The following ARL6IP6 variants were observed in gnomAD, a reference collection of about 807,000 sequenced individuals.
The protein encoded by ARL6IP6 is ADP-ribosylation factor-like protein 6-interacting protein 6.
ARL6IP6 carries 22 observed loss-of-function variants against 21.5 expected under a neutral mutation model. That is an observed-to-expected ratio of 1.02 (90% CI 0.73 to 1.46). The LOEUF is 1.46. Ranked by LOEUF, ARL6IP6 falls within the 40% of genes most tolerant of loss-of-function variation. The pLI is 0.00. For synonymous variants in ARL6IP6, 164 were observed against 125.3 expected, an observed-to-expected ratio of 1.31 and a Z score of -2.06; for missense variants, 388 against 299.8, an observed-to-expected ratio of 1.29 and a Z score of -2.17.
chr2:152,750,647 A>G (rs945451217), intron 3 of ARL6IP6, among the ~76,000 whole-genome samples: 4 of 524 alleles, frequency 7.6e-3, no homozygotes, highest in Non-Finnish European at 0.043. Context: ...CCTTTACACA[A>G]TGTACCTCTT....
At chr2:152,735,353 G>A (rs180692438) in intron 3 of ARL6IP6, among the ~76,000 whole-genome samples, 1 of 140,012 alleles carries the variant, frequency 7.1e-6, no homozygotes, top group East Asian at 1.9e-4. Flanking sequence ...CTGAAATTCA[G>A]GGGCTTATTT....
At chr2:152,733,791 G>A (rs980689786) in intron 2 of ARL6IP6, among the ~76,000 whole-genome samples, 1 of 152,026 alleles carries the variant, frequency 6.6e-6, no homozygotes, top group Non-Finnish European at 1.5e-5. Flanking sequence ...ACAATATATA[G>A]TTATCTTGTT....
chr2:152,730,852 T>A (rs905057561), intron 2 of ARL6IP6, among the ~76,000 whole-genome samples: 1 of 152,164 alleles, frequency 6.6e-6, no homozygotes, highest in Non-Finnish European at 1.5e-5. Context: ...ACAGCTATAC[T>A]CCCTGTGTGG....
chr2:152,719,937 A>C, intron 1 of ARL6IP6: 1 of 379,388 alleles, frequency 2.6e-6, no homozygotes, highest in Non-Finnish European at 5.4e-6. Flanking sequence ...CTAAAACCTT[A>C]CAATGCTTGA....
intron 3 of ARL6IP6, 119 bp downstream of exon 3, chr2:152,735,245 A>C: frequency 9.3e-7 from 1 of 1,071,028 alleles, no homozygotes; most frequent in Non-Finnish European, 1.3e-6. Flanking sequence ...TTTATAAAGC[A>C]CTAATAACAG....
chr2:152,719,750 GAAAAAAAAA>G (rs11328553), intron 1 of ARL6IP6: 2 of 255,170 alleles, frequency 7.8e-6, no homozygotes, highest in Non-Finnish European at 1.5e-5. Flanking sequence ...CCAAGTTACT[GAAAAAAAAA>G]AAAAAAAAAA....
chr2:152,717,933 G>A, upstream of ARL6IP6: 1 of 1,005,926 alleles, frequency 9.9e-7, no homozygotes, highest in East Asian at 1.1e-4. Context: ...AGGCGGAGGG[G>A]AGGAGGCGGG....
At chr2:152,756,672 A>G (rs1183068432) in intron 3 of ARL6IP6, among the ~76,000 whole-genome samples, 2 of 152,214 alleles carry the variant, frequency 1.3e-5, no homozygotes, top group African/African-American at 4.8e-5. Flanking sequence ...GGCTTTCTGA[A>G]TGGTCAGTAA....
chr2:152,730,986 T>C (rs1296441091), intron 2 of ARL6IP6, among the ~76,000 whole-genome samples: 2 of 152,172 alleles, frequency 1.3e-5, no homozygotes, highest in Admixed American at 1.3e-4. Flanking sequence ...AGGAAATCTT[T>C]CTCACTTGTC....
At chr2:152,731,287 C>T (rs147131588) in intron 2 of ARL6IP6, among the ~76,000 whole-genome samples, 51 of 152,322 alleles carry the variant, frequency 3.3e-4, no homozygotes. Flanking sequence ...TAATTTACCA[C>T]ACTTTCTATT....
At chr2:152,721,499 C>T (rs1250402163) in intron 2 of ARL6IP6, among the ~76,000 whole-genome samples, 1 of 152,182 alleles carries the variant, frequency 6.6e-6, no homozygotes, top group Non-Finnish European at 1.5e-5. Context: ...CAAAATGATT[C>T]TGAAGAGTTG....
At chr2:152,718,221 G>C, upstream of ARL6IP6, 2 of 418,654 alleles carry the variant, frequency 4.8e-6, no homozygotes, top group Admixed American at 6.2e-5. Flanking sequence ...CCGAGGGCGC[G>C]AGCGGGCGCT....
chr2:152,737,608 C>A (rs1700609175), intron 3 of ARL6IP6, among the ~76,000 whole-genome samples: 1 of 152,158 alleles, frequency 6.6e-6, no homozygotes, highest in Non-Finnish European at 1.5e-5. Context: ...CAAGGAGGAA[C>A]AAAGGCACAT....
rs1454965859 is a variant in ARL6IP6, at chr2:152,729,741, G to A, written c.455-5253G>A. 2.6e-5 allele frequency among the ~76,000 whole-genome samples: 4 copies of A among 152,222 alleles called. No homozygotes were observed. In the South Asian group the frequency reaches 6.2e-4, roughly 24 times the overall value. On this transcript the variant is annotated intron_variant, in intron 2 of 3. Coordinates refer to ENST00000326446, the MANE Select transcript of ARL6IP6 (RefSeq NM_152522.7). ...TTTATATATAACTAGCTTTATATATGTACCTGTATTACCTAGATATGTATA... is the reference window on the plus strand; with the variant it reads ...TTTATATATAACTAGCTTTATATATATACCTGTATTACCTAGATATGTATA...
At chr2:152,748,965 T>G (rs572085170) in intron 3 of ARL6IP6, among the ~76,000 whole-genome samples, 1 of 152,326 alleles carries the variant, frequency 6.6e-6, no homozygotes, top group East Asian at 1.9e-4. Context: ...TAACTTTTTC[T>G]TTTTAAGGTA....
intron 2 of ARL6IP6, among the ~76,000 whole-genome samples, chr2:152,730,909 C>T (rs1700279077): frequency 6.6e-6 from 1 of 152,192 alleles, no homozygotes. Flanking sequence ...GCCCCAGTAG[C>T]ACTACTCCCT....
At chr2:152,718,572 G>A (rs1261272677), upstream of ARL6IP6, 4 of 1,487,964 alleles carry the variant, frequency 2.7e-6, no homozygotes, top group Admixed American at 2.4e-5. Flanking sequence ...CGGACCCGGG[G>A]CGGGGCAGGT....
At chr2:152,717,701 T>C, upstream of ARL6IP6, 1 of 1,361,088 alleles carries the variant, frequency 7.3e-7, no homozygotes, top group East Asian at 3.0e-5. Context: ...CTCTACCAAC[T>C]TCCCCAGGGG....
chr2:152,743,607 G>T (rs1700915747), intron 3 of ARL6IP6, among the ~76,000 whole-genome samples: 2 of 152,194 alleles, frequency 1.3e-5, no homozygotes, highest in East Asian at 3.9e-4. Flanking sequence ...ATTGTGAAGG[G>T]AGTTACTATG....
Sources: gnomAD v4.1 joint callset for allele counts (sites outside exome capture counted in the v4.1 genomes callset) on GRCh38, gnomAD v4.1.1 for gene constraint, MANE v1.5 for transcripts, NCBI Gene and HGNC (gene_info 2026-07-23, HGNC 2026-07-21) for gene names.